BRDT: variants seen among roughly 807,000 people sequenced by gnomAD.
BRDT encodes the protein bromodomain testis associated, also known as bromodomain testis-specific protein.
A neutral mutation model predicts 113.9 loss-of-function variants in BRDT; 77 were observed. That is an observed-to-expected ratio of 0.68 (90% CI 0.56 to 0.82). The LOEUF is 0.82. Ranked by LOEUF, BRDT falls within the 40% of genes least tolerant of loss-of-function variation. BRDT has a pLI of 0.00. For synonymous variants in BRDT, 358 were observed against 366.5 expected (o/e 0.98, Z 0.26); for missense variants, 1,027 against 1,105.4 (o/e 0.93, Z 1.01).
intron 18 of BRDT, among the ~76,000 whole-genome samples, chr1:92,011,861 T>G (rs1016841657): frequency 2.6e-5 from 4 of 152,182 alleles, no homozygotes; most frequent in Non-Finnish European, 4.4e-5. Flanking sequence ...AATAATAACT[T>G]GACACTTAGC....
intron 18 of BRDT, among the ~76,000 whole-genome samples, chr1:92,009,219 G>A (rs150647094): frequency 2.6e-3 from 392 of 152,176 alleles, no homozygotes; most frequent in Non-Finnish European, 4.7e-3. Context: ...TGCAGTATTT[G>A]TCTTTCTGTG....
At chr1:91,994,297 T>C (rs558044759) in intron 15 of BRDT, 43 bp downstream of exon 15, 1 of 1,456,752 alleles carries the variant, frequency 6.9e-7, no homozygotes, top group South Asian at 1.3e-5. Flanking sequence ...AGAAATTGAC[T>C]TCTAAACCTA....
In BRDT at chr1:91,979,493, C is replaced by G. The variant is rs1303105992; in HGVS notation, c.1099-76C>G. 5 of 1,401,896 alleles carry G rather than the reference C, an allele frequency of 3.6e-6. No homozygotes were observed. In the Admixed American group the frequency reaches 8.7e-5, roughly 24 times the overall value. 86.8% of individuals were successfully genotyped at this position (1,401,896 alleles called of 1,614,324 possible). A position where few individuals can be genotyped will look rare whatever the true frequency, so the allele number is the denominator to read the frequency against. On this transcript the variant is annotated intron_variant, in intron 7 of 18. Transcript: ENST00000399546. ...GGTCAAAATATGACACTGAAATGTA[C>G]TTTTTGTTAAAAGCTGTGATTGCTG...
intron 1 of BRDT, 188 bp downstream of exon 1, chr1:91,949,870 A>G (rs1680861844): frequency 6.6e-6 from 1 of 152,118 alleles, no homozygotes; most frequent in South Asian, 2.1e-4. Flanking sequence ...CATTTTGAAA[A>G]ATACTCATGG....
At position 91,980,161 on chromosome 1, in the gene BRDT, C is replaced by T. The variant is rs539848395; in HGVS notation, c.1287+404C>T. On this transcript the variant is annotated intron_variant, in intron 8 of 18. Transcript: ENST00000399546. ...GTGGCTCACGCCTGTAACCCCAACA[C>T]TTTGGGAGTCCAAGGTGGGAGGATT... Among the ~76,000 whole-genome samples, 18 of 152,250 alleles carry T rather than the reference C, an allele frequency of 1.2e-4. No homozygotes were observed. The East Asian group carries it at 3.5e-3, about 29-fold the overall frequency.
At chr1:91,982,395 C>G (rs1684805923) in intron 12 of BRDT, among the ~76,000 whole-genome samples, 1 of 152,112 alleles carries the variant, frequency 6.6e-6, no homozygotes, top group South Asian at 2.1e-4. Flanking sequence ...TTTCTTTGTG[C>G]TTTTCTATTA....
At chr1:91,956,858 G>T (rs192210158) in intron 1 of BRDT, among the ~76,000 whole-genome samples, 1 of 152,146 alleles carries the variant, frequency 6.6e-6, no homozygotes, top group African/African-American at 2.4e-5. Flanking sequence ...AGGATTGCTT[G>T]CGCCCAGGAG....
chr1:91,978,739 G>A (rs1483725739), intron 7 of BRDT, among the ~76,000 whole-genome samples: 3 of 152,050 alleles, frequency 2.0e-5, no homozygotes, highest in Admixed American at 1.3e-4. Flanking sequence ...GGTGGCTCAC[G>A]CCTGTAATCC....
At chr1:92,012,528 G>A (rs554610668) in intron 18 of BRDT, among the ~76,000 whole-genome samples, 22 of 152,206 alleles carry the variant, frequency 1.4e-4, no homozygotes, top group Non-Finnish European at 2.8e-4. Context: ...CTAGGACAAC[G>A]TATCCAATGC....
chr1:91,956,304 C>T (rs530971309), intron 1 of BRDT, among the ~76,000 whole-genome samples: 2 of 24,262 alleles, frequency 8.2e-5, no homozygotes, highest in East Asian at 0.034. Flanking sequence ...CATGGTTCTT[C>T]CTGCCCCCCC....
Position 92,008,860 on chromosome 1 carries a change from C to A in BRDT, c.2775+3561C>A, listed in dbSNP as rs1687559799. On this transcript the variant is annotated intron_variant, in intron 18 of 18. Coordinates refer to ENST00000399546, the MANE Select transcript of BRDT (RefSeq NM_207189.4). ...AGCTGAATTTTAAAAAATTAATTAT[C>A]TTAATTGACAATTATATATATTTAT... is the stretch of plus-strand genomic sequence containing the variant. Among the ~76,000 whole-genome samples the A allele has an allele frequency of 2.6e-5, 4 of 152,228 alleles. No homozygotes were observed. In the South Asian group the frequency reaches 8.3e-4, roughly 32 times the overall value.
chr1:91,964,158 T>A (rs1682809889), intron 2 of BRDT, among the ~76,000 whole-genome samples: 1 of 152,206 alleles, frequency 6.6e-6, no homozygotes, highest in Admixed American at 6.5e-5. Flanking sequence ...CCTCCCAGGT[T>A]TGAGTGATTC....
chr1:92,006,776 T>G (rs530063400), intron 18 of BRDT, among the ~76,000 whole-genome samples: 2 of 151,750 alleles, frequency 1.3e-5, no homozygotes, highest in East Asian at 3.9e-4. Context: ...CTGTTTTTTA[T>G]TTTTATTTTT....
chr1:92,004,220 G>A (rs1400435925), intron 16 of BRDT, among the ~76,000 whole-genome samples, 194 bp from the exon 17 acceptor site: 1 of 152,010 alleles, frequency 6.6e-6, no homozygotes, highest in Non-Finnish European at 1.5e-5. Flanking sequence ...GAGTTTAGAT[G>A]ATCTATTATG....
intron 15 of BRDT, among the ~76,000 whole-genome samples, chr1:91,995,403 CTGTG>C (rs200254179): frequency 0.048 from 7,067 of 146,130 alleles, 274 homozygotes; most frequent in East Asian, 0.13. Context: ...CCCTACTATT[CTGTG>C]TGTGTGTGTG....
intron 15 of BRDT, among the ~76,000 whole-genome samples, chr1:92,001,022 G>A (rs375958774): frequency 6.6e-6 from 1 of 152,122 alleles, no homozygotes; most frequent in African/African-American, 2.4e-5. Flanking sequence ...TCACATCCCT[G>A]TTCCCTTGGT....
At chr1:91,994,436 C>T (rs913678756) in intron 15 of BRDT, among the ~76,000 whole-genome samples, 182 bp downstream of exon 15, 1 of 152,070 alleles carries the variant, frequency 6.6e-6, no homozygotes, top group Admixed American at 6.5e-5. Context: ...TGCTTTATAC[C>T]TGTAGGCATT....
chr1:92,008,632 C>G (rs1186603661), intron 18 of BRDT, among the ~76,000 whole-genome samples: 1 of 152,120 alleles, frequency 6.6e-6, no homozygotes, highest in Non-Finnish European at 1.5e-5. Context: ...GAATAGTTTT[C>G]CTGCCCTGAA....
chr1:91,990,942 C>T lies in BRDT; in HGVS notation c.2003-242C>T, dbSNP rs535434919. Reference sequence around the variant, plus strand: ...CCTCCTGAGTAGCTGGGACTACAGGCGTGTGCCACCACACCGTGCTAATTT... The same window carrying T: ...CCTCCTGAGTAGCTGGGACTACAGGTGTGTGCCACCACACCGTGCTAATTT... On this transcript the variant is annotated intron_variant, in intron 12 of 18. Coordinates refer to ENST00000399546, the MANE Select transcript of BRDT (RefSeq NM_207189.4). Among the ~76,000 whole-genome samples, 83 of 152,154 alleles carry T rather than the reference C, an allele frequency of 5.5e-4. No individual in the cohort carries two copies. In the South Asian group the frequency reaches 0.015, roughly 27 times the overall value.
Sources: allele counts gnomAD v4.1 joint callset (sites outside exome capture counted in the v4.1 genomes callset), GRCh38; gene constraint gnomAD v4.1.1; transcripts MANE v1.5; gene names NCBI Gene and HGNC (gene_info 2026-07-23, HGNC 2026-07-21).